Variants in AK8 observed in about 807,000 individuals in gnomAD.
The protein encoded by AK8 is ATP-AMP transphosphorylase 8.
AK8 carries 44 observed loss-of-function variants against 54.6 expected under a neutral mutation model. The observed-to-expected ratio is 0.81, with a 90% confidence interval of 0.63 to 1.04. The LOEUF is 1.04. AK8 is among the 50% of genes least tolerant of loss of function. AK8 has a pLI of 0.00. For synonymous variants in AK8, 239 were observed against 245.6 expected, an observed-to-expected ratio of 0.97 and a Z score of 0.25; for missense variants, 555 against 613.6, an observed-to-expected ratio of 0.90 and a Z score of 1.01.
At chr9:132,875,245 C>G in intron 1 of AK8, 46 bp from the exon 2 acceptor site, 1 of 1,607,262 alleles carries the variant, frequency 6.2e-7, no homozygotes, top group Non-Finnish European at 8.5e-7. Flanking sequence ...CCTGCAAGGG[C>G]ACCTGGTCAC....
intron 11 of AK8, among the ~76,000 whole-genome samples, chr9:132,738,135 C>T (rs868463451): frequency 6.6e-6 from 1 of 152,148 alleles, no homozygotes; most frequent in Non-Finnish European, 1.5e-5. Context: ...CTCACTGCAA[C>T]CTCCGCCTCC....
intron 11 of AK8, among the ~76,000 whole-genome samples, chr9:132,755,386 C>T (rs982124394): frequency 1.3e-5 from 2 of 152,180 alleles, no homozygotes; most frequent in Non-Finnish European, 2.9e-5. Flanking sequence ...ACCCGTCCCA[C>T]CTGATTGCAC....
chr9:132,830,653 A>G (rs1334697525), intron 5 of AK8, among the ~76,000 whole-genome samples: 5 of 152,216 alleles, frequency 3.3e-5, no homozygotes, highest in African/African-American at 1.2e-4. Context: ...ACATATTAAG[A>G]ACGTGAACCC....
At chr9:132,866,578 C>A (rs998817941) in intron 3 of AK8, among the ~76,000 whole-genome samples, 2 of 152,074 alleles carry the variant, frequency 1.3e-5, no homozygotes, top group African/African-American at 4.8e-5. Flanking sequence ...GGACCCAGCA[C>A]GTGTACTTCT....
chr9:132,857,054 A>G (rs1466515747), intron 4 of AK8, among the ~76,000 whole-genome samples: 1 of 152,208 alleles, frequency 6.6e-6, no homozygotes, highest in Admixed American at 6.5e-5. Flanking sequence ...AAAGGAGACC[A>G]GAGAGGCAAG....
At chr9:132,848,115 C>CCAAAAAAAA (rs1842824955) in intron 5 of AK8, among the ~76,000 whole-genome samples, 1 of 52,538 alleles carries the variant, frequency 1.9e-5, no homozygotes, top group Non-Finnish European at 3.5e-5. Flanking sequence ...CACCCTGTTT[C>CCAAAAAAAA]AAAAAAAAAA....
In AK8 at chr9:132,747,797, T is replaced by G. The variant is rs193259817; in HGVS notation, c.1122-20263A>C. Among the ~76,000 whole-genome samples the G allele has an allele frequency of 1.3e-3, 202 of 150,776 alleles. 3 individuals are homozygous for G. Among genetic ancestry groups the G allele is most frequent in the African/African-American group, 4.7e-3 (194 of 41,284 alleles). ...TTTTTTTACAATGAGACTGTACTAT[T>G]TCTACAATTAAGAAAAACACTAATT... On this transcript the variant is annotated intron_variant, in intron 11 of 12. Coordinates refer to ENST00000298545, the MANE Select transcript of AK8 (RefSeq NM_152572.3).
intron 5 of AK8, among the ~76,000 whole-genome samples, chr9:132,845,387 AT>A (rs1259636152): frequency 6.6e-6 from 1 of 152,238 alleles, no homozygotes; most frequent in Admixed American, 6.5e-5. Context: ...CTTGGGATGC[AT>A]GGTCCTGTAC....
chr9:132,741,408 G>A (rs568886338), intron 11 of AK8, among the ~76,000 whole-genome samples: 57 of 152,296 alleles, frequency 3.7e-4, no homozygotes, highest in Non-Finnish European at 6.0e-4. Flanking sequence ...TTGACAGTGG[G>A]AACACTGATC....
At chr9:132,798,903 G>A (rs1176303123) in intron 10 of AK8, among the ~76,000 whole-genome samples, 1 of 152,140 alleles carries the variant, frequency 6.6e-6, no homozygotes, top group African/African-American at 2.4e-5. Flanking sequence ...CTGTCTCGAA[G>A]GGGAAGGAGT....
chr9:132,727,248 C>A (rs1836617636), intron 12 of AK8, among the ~76,000 whole-genome samples: 1 of 152,192 alleles, frequency 6.6e-6, no homozygotes, highest in Admixed American at 6.5e-5. Context: ...TTGCTTTAGA[C>A]ATAAATTTCC....
At chr9:132,848,115 CAAAAAAAA>C (rs796764891) in intron 5 of AK8, among the ~76,000 whole-genome samples, 26 of 52,558 alleles carry the variant, frequency 4.9e-4, no homozygotes, top group Admixed American at 2.8e-3. Flanking sequence ...CACCCTGTTT[CAAAAAAAA>C]AAAAAAAAAA....
chr9:132,834,463 G>C (rs533427357), intron 5 of AK8, among the ~76,000 whole-genome samples: 1 of 152,298 alleles, frequency 6.6e-6, no homozygotes, highest in East Asian at 1.9e-4. Flanking sequence ...TCTCAAAGTT[G>C]AATCCCAAAC....
rs538519500 is a variant in AK8, at chr9:132,808,091, C to G, written c.979+6547G>C. ...CATCTCATTTTAAATGATACAGAAA[C>G]AGCTGAGAACTTATTTTTCCAAAAG... is the stretch of plus-strand genomic sequence containing the variant. On this transcript the variant is annotated intron_variant, in intron 10 of 12. Transcript: ENST00000298545. Among the ~76,000 whole-genome samples, 282 of 152,258 alleles carry G rather than the reference C, an allele frequency of 1.9e-3. 1 individual carries two copies. The highest frequency in any genetic ancestry group is 0.014 in the Middle Eastern group (4 of 294).
chr9:132,789,018 G>A (rs1839833898), intron 11 of AK8, among the ~76,000 whole-genome samples: 1 of 152,192 alleles, frequency 6.6e-6, no homozygotes, highest in East Asian at 1.9e-4. Flanking sequence ...AATTTGGACT[G>A]GGTGCGGTGG....
chr9:132,765,030 C>T (rs1838657785), intron 11 of AK8, among the ~76,000 whole-genome samples: 1 of 152,140 alleles, frequency 6.6e-6, no homozygotes, highest in Non-Finnish European at 1.5e-5. Context: ...TGGTGGCTCA[C>T]GTCTGTAATC....
chr9:132,816,230 T>C (rs1270179183), intron 9 of AK8, among the ~76,000 whole-genome samples: 1 of 151,966 alleles, frequency 6.6e-6, no homozygotes, highest in Admixed American at 6.6e-5. Flanking sequence ...GGTGGAAGCC[T>C]GTAATCCCAG....
intron 4 of AK8, among the ~76,000 whole-genome samples, chr9:132,857,640 C>T (rs933292455): frequency 2.0e-5 from 3 of 152,208 alleles, no homozygotes; most frequent in African/African-American, 7.2e-5. Context: ...CCTCTGCCCT[C>T]CCTGACAACA....
Position 132,823,337 on chromosome 9 carries a change from C to G in AK8, c.758-1G>C. On this transcript the variant is annotated splice_acceptor_variant, in intron 8 of 12. Transcript: ENST00000298545. LOFTEE classifies it high-confidence loss of function. ...TGGTTGCTTTGGACATAGGTCAGAG[C>G]TGGAAAGAGAGGATATGAGGATAAT... 6.2e-7 allele frequency: 1 copy of G among 1,613,888 alleles called. No individual in the cohort carries two copies. The highest frequency in any genetic ancestry group is 8.5e-7 in the Non-Finnish European group (1 of 1,179,862).
Sources: gnomAD v4.1 joint callset for allele counts (sites outside exome capture counted in the v4.1 genomes callset) on GRCh38, gnomAD v4.1.1 for gene constraint, MANE v1.5 for transcripts, NCBI Gene and HGNC (gene_info 2026-07-23, HGNC 2026-07-21) for gene names.